The following DOCK5 variants were observed in gnomAD, a reference collection of about 807,000 sequenced individuals.
The protein encoded by DOCK5 is dedicator of cytokinesis 5.
Under a neutral mutation model 251.8 loss-of-function variants are expected in DOCK5, and 142 were observed. The ratio of observed to expected loss-of-function variants is 0.56; its 90% CI spans 0.49 to 0.65. DOCK5 has a LOEUF of 0.65. Among genes scored for constraint, DOCK5 ranks in the 30% least tolerant of loss-of-function variants. DOCK5 has a pLI of 0.00. For missense variants in DOCK5, 2,111 were observed against 2,312.3 expected, an observed-to-expected ratio of 0.91 and a Z score of 1.79; for synonymous variants, 842 against 835.5, an observed-to-expected ratio of 1.01 and a Z score of -0.13.
intron 1 of DOCK5, among the ~76,000 whole-genome samples, chr8:25,187,179 T>TTA (rs1801448768): frequency 6.7e-6 from 1 of 149,386 alleles, no homozygotes; most frequent in African/African-American, 2.5e-5. Context: ...CCAGCCTGGG[T>TTA]GATACTGTGA....
chr8:25,332,537 C>A, intron 19 of DOCK5, 66 bp from the exon 20 acceptor site: 1 of 1,386,262 alleles, frequency 7.2e-7, no homozygotes, highest in East Asian at 2.4e-5. Flanking sequence ...TAGTTGTACC[C>A]AGATTTCTGT....
intron 14 of DOCK5, among the ~76,000 whole-genome samples, chr8:25,317,738 G>C (rs1805295629): frequency 2.0e-5 from 3 of 152,180 alleles, no homozygotes; most frequent in Non-Finnish European, 2.9e-5. Flanking sequence ...AGCCTCCCAA[G>C]TAGCTGGGAC....
intron 11 of DOCK5, among the ~76,000 whole-genome samples, chr8:25,308,533 G>T: frequency 6.6e-6 from 1 of 152,108 alleles, no homozygotes; most frequent in East Asian, 1.9e-4. Context: ...GATTTTAGTT[G>T]CTAACCGTTG....
At chr8:25,202,099 C>G (rs1801895037) in intron 1 of DOCK5, among the ~76,000 whole-genome samples, 1 of 152,160 alleles carries the variant, frequency 6.6e-6, no homozygotes, top group South Asian at 2.1e-4. Context: ...TCACTGCAAT[C>G]TCTGCCTCCC....
In DOCK5 at chr8:25,188,989, A is replaced by G. The variant is rs534912499; in HGVS notation, c.43+4038A>G. Among the ~76,000 whole-genome samples the G allele has an allele frequency of 7.3e-5, 11 of 150,574 alleles. No individual in the cohort carries two copies. The South Asian group carries it at 8.4e-4, about 12-fold the overall frequency. On this transcript the variant is annotated intron_variant, in intron 1 of 51. Transcript: ENST00000276440. ...ATTATGTAAAGAATAGCCCCAGATT[A>G]GGTTGACTATGGATTCTTTGCAAAG...
intron 18 of DOCK5, among the ~76,000 whole-genome samples, chr8:25,327,921 T>G (rs1421326303): frequency 6.6e-6 from 1 of 152,168 alleles, no homozygotes; most frequent in East Asian, 1.9e-4. Flanking sequence ...ATAATGTGTG[T>G]GTTAATTACC....
At chr8:25,308,032 G>A (rs1233869452) in intron 11 of DOCK5, among the ~76,000 whole-genome samples, 1 of 152,180 alleles carries the variant, frequency 6.6e-6, no homozygotes, top group Non-Finnish European at 1.5e-5. Flanking sequence ...TCAGGGTACA[G>A]GGAACCCTGC....
At chr8:25,240,157 C>A (rs1478171656) in intron 1 of DOCK5, among the ~76,000 whole-genome samples, 2 of 151,938 alleles carry the variant, frequency 1.3e-5, no homozygotes, top group African/African-American at 4.8e-5. Context: ...GAGATGGGAG[C>A]CTTATGGGTT....
intron 1 of DOCK5, among the ~76,000 whole-genome samples, chr8:25,204,472 G>A (rs1040701336): frequency 6.6e-6 from 1 of 152,180 alleles, no homozygotes. Context: ...TTCTCAGAGT[G>A]TGATGAATTT....
chr8:25,264,932 A>G (rs1029079100), intron 2 of DOCK5, among the ~76,000 whole-genome samples: 1 of 152,164 alleles, frequency 6.6e-6, no homozygotes, highest in South Asian at 2.1e-4. Context: ...TCTCCATGGC[A>G]TATAATACCT....
At chr8:25,399,861 G>A (rs1801406676) in intron 45 of DOCK5, 50 bp from the exon 46 acceptor site, 2 of 1,442,992 alleles carry the variant, frequency 1.4e-6, no homozygotes, top group Non-Finnish European at 9.6e-7. Flanking sequence ...AGGCTTTCCT[G>A]CACAGATAGG....
At chr8:25,218,412 T>C (rs1170503711) in intron 1 of DOCK5, among the ~76,000 whole-genome samples, 3 of 152,180 alleles carry the variant, frequency 2.0e-5, no homozygotes, top group Non-Finnish European at 2.9e-5. Flanking sequence ...CCATGACCAC[T>C]GTGCTCTTAC....
intron 1 of DOCK5, among the ~76,000 whole-genome samples, chr8:25,219,234 A>G (rs149469891): frequency 6.6e-6 from 1 of 152,192 alleles, no homozygotes; most frequent in Non-Finnish European, 1.5e-5. Context: ...ATGTATTATG[A>G]CCCTGAGCCC....
At chr8:25,201,103 C>T (rs951312752) in intron 1 of DOCK5, among the ~76,000 whole-genome samples, 1 of 152,162 alleles carries the variant, frequency 6.6e-6, no homozygotes, top group Non-Finnish European at 1.5e-5. Flanking sequence ...GACAGGGTTT[C>T]ACCATTTTGG....
rs1423505306 is a variant in DOCK5, at chr8:25,213,153, A to G, written c.43+28202A>G. ...TAAACCTTGGGCTCAGTGGGCGTCT[A>G]ATCAAGAGAGAAGTTTCCTGTGCGT... On this transcript the variant is annotated intron_variant, in intron 1 of 51. Transcript: ENST00000276440. Among the ~76,000 whole-genome samples the G allele has an allele frequency of 1.3e-5, 2 of 151,862 alleles. 1 individual carries two copies. Among genetic ancestry groups the G allele is most frequent in the Non-Finnish European group, 2.9e-5 (2 of 67,964 alleles).
intron 21 of DOCK5, among the ~76,000 whole-genome samples, chr8:25,335,673 C>A (rs1805786080): frequency 6.6e-6 from 1 of 152,010 alleles, no homozygotes; most frequent in South Asian, 2.1e-4. Context: ...CATTCCTAGC[C>A]CAAAAACTCT....
At chr8:25,221,389 A>T (rs13278370) in intron 1 of DOCK5, among the ~76,000 whole-genome samples, 6 of 151,978 alleles carry the variant, frequency 3.9e-5, no homozygotes, top group Admixed American at 2.0e-4. Context: ...GCTCACTGCA[A>T]CCTCCGTCTC....
intron 1 of DOCK5, among the ~76,000 whole-genome samples, chr8:25,190,284 C>T (rs565103109): frequency 3.9e-5 from 6 of 152,226 alleles, no homozygotes; most frequent in East Asian, 1.9e-4. Context: ...TGAAAACAGC[C>T]GTATTGAAAT....
rs374731451 is a variant in DOCK5 at position 25,368,532 on chromosome 8, G to T, written c.3284-39G>T. ...AAGATTTTAACACTTTACTTTCAGT[G>T]AAATAATTTTTTAATATCTTCATTC... On this transcript the variant is annotated intron_variant, in intron 32 of 51. Transcript: ENST00000276440. The T allele has an allele frequency of 1.3e-5, 21 of 1,561,468 alleles. No homozygotes were observed. In the African/African-American group the frequency reaches 2.6e-4, roughly 19 times the overall value.
Sources: gnomAD v4.1 joint callset for allele counts (sites outside exome capture counted in the v4.1 genomes callset) on GRCh38, gnomAD v4.1.1 for gene constraint, MANE v1.5 for transcripts, NCBI Gene and HGNC (gene_info 2026-07-23, HGNC 2026-07-21) for gene names.